Variants in WDPCP observed in about 807,000 individuals in gnomAD.
WDPCP encodes the protein WD repeat-containing and planar cell polarity effector protein fritz homolog.
WDPCP carries 71 observed loss-of-function variants against 93.1 expected under a neutral mutation model. The ratio of observed to expected loss-of-function variants is 0.76; its 90% CI spans 0.63 to 0.93. WDPCP has a LOEUF of 0.93. Among genes scored for constraint, WDPCP ranks in the 40% least tolerant of loss-of-function variants. The probability of loss-of-function intolerance (pLI) is 0.00; values close to 1 mark genes in which losing one functional copy is unlikely to be tolerated. For synonymous variants in WDPCP, 315 were observed against 315.0 expected, an observed-to-expected ratio of 1.00 and a Z score of 0.00; for missense variants, 844 against 887.4, an observed-to-expected ratio of 0.95 and a Z score of 0.62.
At chr2:63,815,252 C>T (rs1248789172) in intron 1 of WDPCP, among the ~76,000 whole-genome samples, 1 of 152,112 alleles carries the variant, frequency 6.6e-6, no homozygotes, top group Non-Finnish European at 1.5e-5. Flanking sequence ...AGTGAAGCCA[C>T]TCACCAGTTC....
chr2:63,691,323 G>C (rs1207023951), intron 2 of WDPCP, among the ~76,000 whole-genome samples: 2 of 152,190 alleles, frequency 1.3e-5, no homozygotes, highest in Non-Finnish European at 2.9e-5. Context: ...AACAGGTTAT[G>C]AACATTTGTG....
chr2:63,211,349 G>A (rs957002053), intron 14 of WDPCP, among the ~76,000 whole-genome samples: 1 of 152,186 alleles, frequency 6.6e-6, no homozygotes, highest in African/African-American at 2.4e-5. Context: ...CAGGCAAACA[G>A]GGTCTGGAGT....
chr2:63,756,301 A>C (rs1669967310), intron 2 of WDPCP, among the ~76,000 whole-genome samples: 1 of 152,206 alleles, frequency 6.6e-6, no homozygotes, highest in Non-Finnish European at 1.5e-5. Context: ...ATTATAAAAA[A>C]TTCTGTATCC....
chr2:63,378,133 A>C (rs1259682811), intron 12 of WDPCP: 1 of 475,586 alleles, frequency 2.1e-6, no homozygotes, highest in Admixed American at 3.3e-5. Context: ...CATTGACTTT[A>C]CATAGCTTTC....
In WDPCP at chr2:63,752,550, G is replaced by A. The variant is rs1669899737; in HGVS notation, n.308+61072C>T. The A allele has an allele frequency of 3.0e-5, 20 of 674,620 alleles. 1 individual carries two copies. In the South Asian group the frequency reaches 3.2e-4, roughly 11 times the overall value. 41.8% of individuals were successfully genotyped at this position (674,620 alleles called of 1,614,324 possible). Reference sequence around the variant, plus strand: ...CCCCATTGCTCAGAATGGCTCCTCAGCCTCTCATCAGTTGTTTCAAAGCTC... The same window carrying A: ...CCCCATTGCTCAGAATGGCTCCTCAACCTCTCATCAGTTGTTTCAAAGCTC... On this transcript the variant is annotated intron_variant and non_coding_transcript_variant, in intron 2 of 4. Coordinates refer to the WDPCP transcript ENST00000467687.
intron 1 of WDPCP, chr2:63,571,435 C>A: frequency 2.1e-6 from 1 of 466,222 alleles, no homozygotes; most frequent in Non-Finnish European, 4.4e-6. Context: ...TTCCTTTCAG[C>A]CTGAAGAATT....
At chr2:63,761,832 A>T (rs1338549802) in intron 2 of WDPCP, among the ~76,000 whole-genome samples, 1 of 152,224 alleles carries the variant, frequency 6.6e-6, no homozygotes, top group East Asian at 1.9e-4. Flanking sequence ...TGTATCCTTC[A>T]ATCCAGTCAA....
At chr2:63,547,725 C>A in intron 1 of WDPCP, among the ~76,000 whole-genome samples, 1 of 145,406 alleles carries the variant, frequency 6.9e-6, no homozygotes, top group Admixed American at 6.9e-5. Flanking sequence ...TGTTCTCACT[C>A]ATATGTGGAA....
At chr2:63,126,075 C>T (rs550222775) in intron 17 of WDPCP, among the ~76,000 whole-genome samples, 3 of 151,940 alleles carry the variant, frequency 2.0e-5, no homozygotes, top group African/African-American at 7.2e-5. Flanking sequence ...GCTGGGACTA[C>T]AGGCATGCAC....
intron 1 of WDPCP, among the ~76,000 whole-genome samples, chr2:63,494,591 G>T (rs1415665041): frequency 6.6e-6 from 1 of 152,098 alleles, no homozygotes; most frequent in Admixed American, 6.5e-5. Flanking sequence ...AGGCAGAGTT[G>T]TGGGAGGGAG....
chr2:63,180,585 C>T (rs1674167786), intron 14 of WDPCP, among the ~76,000 whole-genome samples: 1 of 152,130 alleles, frequency 6.6e-6, no homozygotes, highest in African/African-American at 2.4e-5. Flanking sequence ...TAGTCCTTCA[C>T]TGATGTAAAC....
intron 12 of WDPCP, among the ~76,000 whole-genome samples, chr2:63,377,018 G>C (rs917035586): frequency 4.6e-5 from 7 of 151,800 alleles, no homozygotes; most frequent in Non-Finnish European, 7.4e-5. Context: ...TTACCAAACA[G>C]TCTACTCTTA....
At chr2:63,598,536 T>G (rs1709360356) in intron 3 of WDPCP, among the ~76,000 whole-genome samples, 1 of 152,132 alleles carries the variant, frequency 6.6e-6, no homozygotes, top group African/African-American at 2.4e-5. Context: ...TTTCCTATCT[T>G]TCAAAAAAAG....
intron 9 of WDPCP, among the ~76,000 whole-genome samples, chr2:63,422,146 C>A (rs1248948665): frequency 6.6e-6 from 1 of 152,132 alleles, no homozygotes; most frequent in Non-Finnish European, 1.5e-5. Context: ...AAAAAGGAAA[C>A]CACAGTGTCT....
At chr2:63,578,181 T>C (rs994287917) in intron 1 of WDPCP, among the ~76,000 whole-genome samples, 1 of 152,232 alleles carries the variant, frequency 6.6e-6, no homozygotes, top group African/African-American at 2.4e-5. Flanking sequence ...ATAACAATTT[T>C]AGTGAATAAT....
chr2:63,232,044 G>A (rs35908293), intron 14 of WDPCP, among the ~76,000 whole-genome samples: 2 of 152,084 alleles, frequency 1.3e-5, no homozygotes, highest in African/African-American at 4.8e-5. Flanking sequence ...ACAACCATCT[G>A]GTCTTTGACA....
intron 9 of WDPCP, among the ~76,000 whole-genome samples, chr2:63,412,136 T>C (rs574670130): frequency 1.3e-5 from 2 of 152,232 alleles, no homozygotes; most frequent in African/African-American, 4.8e-5. Flanking sequence ...CTTAACAAAA[T>C]AATAGCTAAC....
At chr2:63,142,414 G>A (rs1018925337) in intron 17 of WDPCP, among the ~76,000 whole-genome samples, 3 of 152,104 alleles carry the variant, frequency 2.0e-5, no homozygotes, top group African/African-American at 7.2e-5. Context: ...TCAGGAGGAC[G>A]TTATTTAATT....
At chr2:63,451,882 CAA>C (rs1285644979) in intron 6 of WDPCP, among the ~76,000 whole-genome samples, 1 of 152,038 alleles carries the variant, frequency 6.6e-6, no homozygotes, top group Non-Finnish European at 1.5e-5. Flanking sequence ...AGGCCTTTGA[CAA>C]AAGTCAACGC....
Sources: gnomAD v4.1 joint callset for allele counts (sites outside exome capture counted in the v4.1 genomes callset) on GRCh38, gnomAD v4.1.1 for gene constraint, MANE v1.5 for transcripts, NCBI Gene and HGNC (gene_info 2026-07-23, HGNC 2026-07-21) for gene names.